Variants in UPF2 observed in about 807,000 individuals in gnomAD.
The protein encoded by UPF2 is UPF2 regulator of nonsense mediated mRNA decay.
In UPF2, 17 loss-of-function variants were observed where a neutral mutation model predicts 141.4. The ratio of observed to expected loss-of-function variants is 0.12; its 90% CI spans 0.08 to 0.18. The LOEUF is 0.18. UPF2 is among the 10% of genes least tolerant of loss of function. UPF2 has a pLI of 1.00. For missense variants in UPF2, 1,152 were observed against 1,515.9 expected, an observed-to-expected ratio of 0.76 and a Z score of 3.99; for synonymous variants, 540 against 498.0, an observed-to-expected ratio of 1.08 and a Z score of -1.12.
intron 16 of UPF2, 40 bp from the exon 17 acceptor site, chr10:11,943,208 A>C: frequency 6.8e-7 from 1 of 1,471,396 alleles, no homozygotes. Context: ...TAACTTTTCG[A>C]AGTGTAACCA....
rs537302281 is a variant in UPF2 at position 12,032,102 on chromosome 10, T to G, written c.366-2578A>C. On this transcript the variant is annotated intron_variant, in intron 2 of 21. Coordinates refer to ENST00000357604, the MANE Select transcript of UPF2 (RefSeq NM_015542.4). ...TGAGGTCAGGAGTTCGAGATCAGCC[T>G]GACCAACATGGAGAAACACTGTCTC... is the stretch of plus-strand genomic sequence containing the variant. Among the ~76,000 whole-genome samples the G allele has an allele frequency of 6.6e-5, 10 of 152,156 alleles. No homozygotes were observed. In the South Asian group the frequency reaches 2.1e-3, roughly 32 times the overall value.
At position 11,953,451 on chromosome 10, in the gene UPF2, A is replaced by G. The variant is rs890118040; in HGVS notation, c.2851-1202T>C. Reference sequence around the variant, plus strand: ...TCCATGTTCTGGGTGAAACACACAGACCTCATCACCCAGGCCTCACTCACT... The same window carrying G: ...TCCATGTTCTGGGTGAAACACACAGGCCTCATCACCCAGGCCTCACTCACT... On this transcript the variant is annotated intron_variant, in intron 14 of 21. Transcript: ENST00000357604. This position sits in a 1 kb window ranked among gnomAD's most constrained non-coding sequence, Gnocchi z 5.0. Among the ~76,000 whole-genome samples, 5 of 152,130 alleles carry G rather than the reference A, an allele frequency of 3.3e-5. No homozygotes were observed. The highest frequency in any genetic ancestry group is 1.2e-4 in the African/African-American group (5 of 41,418).
chr10:11,967,273 T>G (rs913160780), intron 10 of UPF2, 68 bp downstream of exon 10: 2 of 913,058 alleles, frequency 2.2e-6, no homozygotes, highest in African/African-American at 1.8e-5. Context: ...TTATTTCACT[T>G]TATCCACCAT....
chr10:12,038,378 TCACACACACACA>T (rs200544672), intron 1 of UPF2, among the ~76,000 whole-genome samples: 21 of 135,934 alleles, frequency 1.5e-4, no homozygotes, highest in African/African-American at 3.7e-4. Context: ...AGACTCCATC[TCACACACACACA>T]CACACACACA....
At position 11,940,307 on chromosome 10, in the gene UPF2, C is replaced by T. The variant is rs188873168; in HGVS notation, c.3378+2358G>A. On this transcript the variant is annotated intron_variant, in intron 18 of 21. Transcript: ENST00000357604. The surrounding 1 kb of genome is among the most constrained non-coding windows in gnomAD (Gnocchi z 4.2). ...ACTTCTATTCCTTTGACTTCATCAG[C>T]TTTTCTACCTTATTTCTAAATGTTA... Among the ~76,000 whole-genome samples the T allele has an allele frequency of 5.8e-3, 876 of 152,256 alleles. 5 individuals carry two copies. Among genetic ancestry groups the T allele is most frequent in the Middle Eastern group, 0.048 (14 of 294 alleles).
intron 9 of UPF2, among the ~76,000 whole-genome samples, chr10:11,976,209 A>C (rs903818986): frequency 1.3e-5 from 2 of 152,286 alleles, no homozygotes; most frequent in Admixed American, 1.3e-4. Flanking sequence ...TTTATTTCTC[A>C]GCTGAGGTTC....
At position 11,953,853 on chromosome 10, in the gene UPF2, C is replaced by T. The variant is rs887605289; in HGVS notation, c.2850+1379G>A. ...TAGCGGTAGGAGCAAGCTAACAGAC[C>T]GCAATTCCCGAAGAATATTTACCCC... On this transcript the variant is annotated intron_variant, in intron 14 of 21. Transcript: ENST00000357604. This position sits in a 1 kb window ranked among gnomAD's most constrained non-coding sequence, Gnocchi z 5.0. Among the ~76,000 whole-genome samples, 5 of 152,140 alleles carry T rather than the reference C, an allele frequency of 3.3e-5. No individual in the cohort carries two copies. The highest frequency in any genetic ancestry group is 5.9e-5 in the Non-Finnish European group (4 of 68,030).
At chr10:11,987,286 C>T (rs1833708533) in intron 8 of UPF2, among the ~76,000 whole-genome samples, 1 of 152,192 alleles carries the variant, frequency 6.6e-6, no homozygotes, top group African/African-American at 2.4e-5. Flanking sequence ...ATGCAACAAA[C>T]CTGCACAGCC....
intron 3 of UPF2, among the ~76,000 whole-genome samples, chr10:12,024,931 C>CAAAAAAA (rs61678431): frequency 3.2e-4 from 17 of 53,484 alleles, no homozygotes; most frequent in Non-Finnish European, 4.5e-4. Context: ...GACCCTGTTA[C>CAAAAAAA]AAAAAAAAAA....
At chr10:12,000,709 T>C (rs779996684) in intron 6 of UPF2, among the ~76,000 whole-genome samples, 2 of 152,108 alleles carry the variant, frequency 1.3e-5, no homozygotes, top group Non-Finnish European at 2.9e-5. Context: ...TGGAGGTTGA[T>C]GCAGGAGGAT....
Position 11,921,294 on chromosome 10 carries a change from T to C in UPF2, c.*4A>G. 6.2e-7 allele frequency: 1 copy of C among 1,614,172 alleles called. No homozygotes were observed. The highest frequency in any genetic ancestry group is 1.1e-5 in the South Asian group (1 of 91,090). The stretch of plus-strand genomic sequence containing the variant: ...GACCTAATGAAATGACACGTGCTGC[T>C]GGATCAACGTCTCCTAAAGGAACAA... On this transcript the variant is annotated 3_prime_UTR_variant, in exon 22 of 22. Coordinates refer to ENST00000357604, the MANE Select transcript of UPF2 (RefSeq NM_015542.4). The surrounding 1 kb of genome is among the most constrained non-coding windows in gnomAD (Gnocchi z 5.9).
chr10:12,033,003 AC>A (rs1277142834), intron 2 of UPF2, among the ~76,000 whole-genome samples: 3 of 152,104 alleles, frequency 2.0e-5, no homozygotes, highest in East Asian at 1.9e-4. Flanking sequence ...TGCCACCATC[AC>A]CCCCCCAAAA....
intron 9 of UPF2, among the ~76,000 whole-genome samples, chr10:11,974,994 G>C (rs932907546): frequency 6.6e-6 from 1 of 152,052 alleles, no homozygotes; most frequent in Non-Finnish European, 1.5e-5. Context: ...ACCTATAATG[G>C]GGGTATATAG....
At position 11,929,852 on chromosome 10, in the gene UPF2, AT is replaced by A; in HGVS notation, c.3809+12del. The A allele has an allele frequency of 6.2e-7, 1 of 1,613,824 alleles. No individual in the cohort carries two copies. Among genetic ancestry groups the A allele is most frequent in the Non-Finnish European group, 8.5e-7 (1 of 1,179,782 alleles). ...GAAACAAACAGCTAAGGAAGGAGTA[AT>A]GACTGCTTTACCTCCCACCAGTCTT... On this transcript the variant is annotated intron_variant, in intron 21 of 21. Coordinates refer to ENST00000357604, the MANE Select transcript of UPF2 (RefSeq NM_015542.4).
chr10:11,959,924 A>G lies in UPF2; in HGVS notation c.2185-568T>C, dbSNP rs1833213774. On this transcript the variant is annotated intron_variant, in intron 11 of 21. Transcript: ENST00000357604. The surrounding 1 kb of genome is among the most constrained non-coding windows in gnomAD (Gnocchi z 5.9). ...CTTACGTTTCATCCAATAAAATACT[A>G]GAGAACTTTACTACCAAGGTAACTT... 6.6e-6 allele frequency among the ~76,000 whole-genome samples: 1 copy of G among 152,206 alleles called. No homozygotes were observed. Among genetic ancestry groups the G allele is most frequent in the Admixed American group, 6.5e-5 (1 of 15,280 alleles).
At chr10:11,964,228 A>G in intron 10 of UPF2, 103 bp from the exon 11 acceptor site, 1 of 754,766 alleles carries the variant, frequency 1.3e-6, no homozygotes, top group South Asian at 2.8e-5. Flanking sequence ...GAAAACGTAA[A>G]AAACAGAAGT....
intron 14 of UPF2, among the ~76,000 whole-genome samples, chr10:11,952,703 T>C (rs529559722): frequency 2.6e-5 from 4 of 152,212 alleles, no homozygotes; most frequent in Admixed American, 2.6e-4. Context: ...CTCAATCTCC[T>C]GACCTCGTGA....
chr10:11,955,331 G>T lies in UPF2; in HGVS notation c.2751C>A (p.Phe917Leu), dbSNP rs1290618451. 4 of 1,614,038 alleles carry T rather than the reference G, an allele frequency of 2.5e-6. No individual in the cohort carries two copies. Among genetic ancestry groups the T allele is most frequent in the Non-Finnish European group, 3.4e-6 (4 of 1,180,020 alleles). Reference protein sequence around the residue: ...PSSLDPPEHLFRIRLVCTILD... With the variant: ...PSSLDPPEHLLRIRLVCTILD... The stretch of plus-strand genomic sequence containing the variant: ...GAATAGTGCATACGAGTCTAATTCT[G>T]AAAAGATGCTCAGGTGGGTCCAGGG... The change falls in exon 14 of 22, where the codon TTC becomes TTA. Residue 917 changes from phenylalanine to leucine, a missense_variant. Transcript: ENST00000357604.
At chr10:12,023,700 A>AG (rs968659930) in intron 3 of UPF2, among the ~76,000 whole-genome samples, 4 of 150,936 alleles carry the variant, frequency 2.7e-5, no homozygotes, top group African/African-American at 9.8e-5. Flanking sequence ...AAAAAAAAAA[A>AG]AAGATATTGG....
Sources: allele counts gnomAD v4.1 joint callset (sites outside exome capture counted in the v4.1 genomes callset), GRCh38; gene constraint gnomAD v4.1.1; non-coding constraint Gnocchi (gnomAD v3.1); transcripts MANE v1.5; gene names NCBI Gene and HGNC (gene_info 2026-07-23, HGNC 2026-07-21).